HLA-DRB5: variants seen among roughly 807,000 people sequenced by gnomAD.
HLA-DRB5 encodes major histocompatibility complex, class II, DR beta 5, also known as DR beta-5.
HLA-DRB5 carries 11 observed loss-of-function variants against 22.4 expected under a neutral mutation model. That is an observed-to-expected ratio of 0.49 (90% CI 0.31 to 0.81). HLA-DRB5 has a LOEUF of 0.81. HLA-DRB5 is among the 40% of genes least tolerant of loss of function. HLA-DRB5 has a pLI of 0.05. For missense variants in HLA-DRB5, 106 were observed against 274.4 expected, an observed-to-expected ratio of 0.39 and a Z score of 4.34; for synonymous variants, 57 against 106.0, an observed-to-expected ratio of 0.54 and a Z score of 2.84.
chr6:32,530,265 A>G lies in HLA-DRB5; in HGVS notation c.-41T>C, dbSNP rs200223877. The G allele has an allele frequency of 0.15, 147,509 of 986,038 alleles. 21 individuals are homozygous for G. The highest frequency in any genetic ancestry group is 0.19 in the Admixed American group (7,692 of 40,706). The allele number at this position is 986,038 out of a possible 1,614,324, so 61.1% of individuals were successfully genotyped here. The stretch of plus-strand genomic sequence containing the variant: ...AGGACCAGGGGCCAGAGGAGCAGGC[A>G]AGTCTCACTCAGGGAGAACTATGAT... On this transcript the variant is annotated 5_prime_UTR_variant, in exon 1 of 6. Transcript: ENST00000374975.
intron 1 of HLA-DRB5, among the ~76,000 whole-genome samples, chr6:32,528,536 A>T (rs146206103): frequency 0.11 from 3,982 of 37,890 alleles, 1,805 homozygotes; most frequent in Middle Eastern, 0.25. Flanking sequence ...TCACACTAGA[A>T]TCCTTCTCCT....
chr6:32,526,964 C>T (rs1195624546), intron 1 of HLA-DRB5, among the ~76,000 whole-genome samples: 3,488 of 37,984 alleles, frequency 0.092, 534 homozygotes, highest in African/African-American at 0.11. Flanking sequence ...CAATAAACAC[C>T]ACCACCTTTC....
intron 1 of HLA-DRB5, 64 bp downstream of exon 1, chr6:32,530,061 A>C: frequency 1.4e-6 from 1 of 738,226 alleles, no homozygotes; most frequent in Non-Finnish European, 2.1e-6. Flanking sequence ...CCTGGGCACA[A>C]TGTTAACAAA....
intron 1 of HLA-DRB5, among the ~76,000 whole-genome samples, chr6:32,525,657 G>T (rs142988314): frequency 1.5e-5 from 1 of 66,110 alleles, no homozygotes. Flanking sequence ...CACCAAATTT[G>T]TGATACTGGG....
At chr6:32,518,499 C>T (rs543783795) in intron 4 of HLA-DRB5, 57 bp downstream of exon 4, 1 of 488,184 alleles carries the variant, frequency 2.0e-6, no homozygotes, top group Non-Finnish European at 3.2e-6. Flanking sequence ...CTCAGCAAAG[C>T]CCTATTTCCT....
chr6:32,522,075 A>AC lies in HLA-DRB5; in HGVS notation c.199_200insG (p.Leu67CysfsTer20). On this transcript the variant is annotated frameshift_variant, in exon 2 of 6. Coordinates refer to ENST00000374975, the MANE Select transcript of HLA-DRB5 (RefSeq NM_002125.4). LOFTEE classifies it high-confidence loss of function. ...CTCCCCCACGTCGCTGTCGAAGCGC[A>AC]AGTCCTCCTCTTGGTTATAGATGTC... 1 of 1,327,858 alleles carries AC rather than the reference A, an allele frequency of 7.5e-7. No homozygotes were observed. Among genetic ancestry groups the AC allele is most frequent in the Non-Finnish European group, 1.0e-6 (1 of 978,864 alleles). 82.3% of individuals were successfully genotyped at this position (1,327,858 alleles called of 1,614,324 possible). A position where few individuals can be genotyped will look rare whatever the true frequency, so the allele number is the denominator to read the frequency against.
At position 32,522,036 on chromosome 6, in the gene HLA-DRB5, G is replaced by C. The variant is rs79606458; in HGVS notation, c.239C>G (p.Thr80Arg). The C allele has an allele frequency of 0.092, 127,388 of 1,388,368 alleles. 5,924 individuals carry two copies. Among genetic ancestry groups the C allele is most frequent in the Middle Eastern group, 0.22 (1,073 of 4,980 alleles). The allele number at this position is 1,388,368 out of a possible 1,614,324, so 86.0% of individuals were successfully genotyped here. Residue 80 changes from threonine (T) to arginine (R), a missense_variant, in exon 2 of 6, where the codon ACG (threonine) becomes AGG (arginine). By Grantham distance (71) the Thr-to-Arg change is moderately conservative. Coordinates refer to ENST00000374975, the MANE Select transcript of HLA-DRB5 (RefSeq NM_002125.4). Reference protein sequence around the residue: ...DSDVGEYRAVTELGRPDAEYW... With the variant: ...DSDVGEYRAVRELGRPDAEYW... ...CTCAGCGTCAGGCCGCCCCAGCTCC[G>C]TCACCGCCCGGTACTCCCCCACGTC...
Position 32,525,368 on chromosome 6 carries a change from T to C in HLA-DRB5, c.101-3194A>G, listed in dbSNP as rs1292865143. Among the ~76,000 whole-genome samples the C allele has an allele frequency of 4.8e-5, 2 of 41,294 alleles. 1 individual carries two copies. Among genetic ancestry groups the C allele is most frequent in the African/African-American group, 1.8e-4 (2 of 10,992 alleles). The allele number at this position is 41,294 out of a possible 152,430, so 27.1% of individuals were successfully genotyped here. A position where few individuals can be genotyped will look rare whatever the true frequency, so the allele number is the denominator to read the frequency against. ...AGTGATCACATAATAAACACTCAAA[T>C]GTATTCCCATTTTAATTTTTTGATC... On this transcript the variant is annotated intron_variant, in intron 1 of 5. Transcript: ENST00000374975.
intron 1 of HLA-DRB5, among the ~76,000 whole-genome samples, chr6:32,524,303 C>A (rs74943410): frequency 0.099 from 11,896 of 119,710 alleles, 2 homozygotes; most frequent in Admixed American, 0.14. Context: ...CAAATCATAT[C>A]ATTTGTCTTT....
intron 1 of HLA-DRB5, among the ~76,000 whole-genome samples, chr6:32,525,752 T>C (rs1053236758): frequency 0.11 from 14,365 of 134,056 alleles, 1 homozygote; most frequent in East Asian, 0.15. Flanking sequence ...TTATTGAAAT[T>C]GCATACTGAA....
chr6:32,523,337 T>C (rs114638398), intron 1 of HLA-DRB5, among the ~76,000 whole-genome samples: 2,552 of 38,764 alleles, frequency 0.066, 720 homozygotes, highest in East Asian at 0.1. Flanking sequence ...CATGTAAACA[T>C]ACATACATAT....
At chr6:32,525,122 T>C (rs113856962) in intron 1 of HLA-DRB5, among the ~76,000 whole-genome samples, 21,248 of 45,600 alleles carry the variant, frequency 0.47, 9,043 homozygotes, top group Middle Eastern at 0.5. Flanking sequence ...ATATGAATAT[T>C]AGAAATTTTG....
At chr6:32,522,830 A>G (rs140849564) in intron 1 of HLA-DRB5, among the ~76,000 whole-genome samples, 1,380 of 36,562 alleles carry the variant, frequency 0.038, 98 homozygotes, top group East Asian at 0.061. Context: ...GAAGGGTGAC[A>G]GTTCAGATGT....
At chr6:32,525,845 C>T (rs923042042) in intron 1 of HLA-DRB5, among the ~76,000 whole-genome samples, 911 of 89,764 alleles carry the variant, frequency 0.01, no homozygotes, top group Middle Eastern at 0.022. Flanking sequence ...TTCATCACTC[C>T]ATTCTCATGA....
intron 1 of HLA-DRB5, among the ~76,000 whole-genome samples, chr6:32,528,319 C>CTATGATTG (rs1769873809): frequency 3.3e-5 from 1 of 29,900 alleles, no homozygotes; most frequent in Non-Finnish European, 6.8e-5. Context: ...TCTGTCTCCT[C>CTATGATTG]CACTCTTGTG....
Position 32,526,348 on chromosome 6 carries a change from T to C in HLA-DRB5, c.100+3777A>G, listed in dbSNP as rs535042292. Among the ~76,000 whole-genome samples the C allele has an allele frequency of 6.4e-3, 141 of 21,992 alleles. 14 individuals are homozygous for C. Among genetic ancestry groups the C allele is most frequent in the Admixed American group, 8.5e-3 (13 of 1,528 alleles). The allele number at this position is 21,992 out of a possible 152,430, so 14.4% of individuals were successfully genotyped here. The stretch of plus-strand genomic sequence containing the variant: ...CACATATGATGTAATCTTGGTTTTT[T>C]CCCAACATCCCTGGGCTCTTTCTTA... On this transcript the variant is annotated intron_variant, in intron 1 of 5. Transcript: ENST00000374975.
chr6:32,520,518 C>T (rs1235426740), intron 2 of HLA-DRB5, among the ~76,000 whole-genome samples: 1 of 41,558 alleles, frequency 2.4e-5, no homozygotes, highest in African/African-American at 8.9e-5. Context: ...CAATGCATCT[C>T]CCATGCAAAC....
intron 1 of HLA-DRB5, among the ~76,000 whole-genome samples, chr6:32,524,544 T>C (rs1769354080): frequency 2.9e-5 from 2 of 69,636 alleles, no homozygotes; most frequent in Non-Finnish European, 5.7e-5. Flanking sequence ...GAAAATGACG[T>C]TCTCATACAG....
chr6:32,529,993 C>A (rs67538106), intron 1 of HLA-DRB5, 132 bp downstream of exon 1: 7,054 of 256,266 alleles, frequency 0.028, 169 homozygotes, highest in South Asian at 0.068. Context: ...AATTTGGGAT[C>A]CCATGATAAA....
Sources: allele counts gnomAD v4.1 joint callset (sites outside exome capture counted in the v4.1 genomes callset), GRCh38; gene constraint gnomAD v4.1.1; transcripts MANE v1.5; gene names NCBI Gene and HGNC (gene_info 2026-07-23, HGNC 2026-07-21).